SRGAP1: variants seen among roughly 807,000 people sequenced by gnomAD.
The protein encoded by SRGAP1 is SLIT-ROBO Rho GTPase-activating protein 1.
A neutral mutation model predicts 121.9 loss-of-function variants in SRGAP1; 43 were observed. The ratio of observed to expected loss-of-function variants is 0.35; its 90% CI spans 0.28 to 0.46. SRGAP1 has a LOEUF of 0.46. Among genes scored for constraint, SRGAP1 ranks in the 20% least tolerant of loss-of-function variants. The probability of loss-of-function intolerance (pLI) is 1.00; values close to 1 mark genes in which losing one functional copy is unlikely to be tolerated. For missense variants in SRGAP1, 1,102 were observed against 1,350.9 expected, an observed-to-expected ratio of 0.82 and a Z score of 2.89; for synonymous variants, 447 against 485.4, an observed-to-expected ratio of 0.92 and a Z score of 1.04.
intron 1 of SRGAP1, among the ~76,000 whole-genome samples, chr12:63,967,437 G>C (rs1289400245): frequency 6.6e-6 from 1 of 152,174 alleles, no homozygotes. Flanking sequence ...GCGAGACCCT[G>C]TCTCAAAAAG....
intron 1 of SRGAP1, among the ~76,000 whole-genome samples, chr12:63,953,403 T>C (rs1380766949): frequency 2.9e-5 from 4 of 139,972 alleles, no homozygotes; most frequent in African/African-American, 1.2e-4. Flanking sequence ...TGATTGATTT[T>C]TTTTTTTTTT....
intron 1 of SRGAP1, among the ~76,000 whole-genome samples, chr12:63,911,322 A>G (rs935352107): frequency 6.6e-6 from 1 of 151,248 alleles, no homozygotes; most frequent in African/African-American, 2.4e-5. Context: ...AAAAAAGAAA[A>G]GAAAACACCT....
chr12:63,905,579 T>G (rs1296941734), intron 1 of SRGAP1, among the ~76,000 whole-genome samples: 3 of 152,214 alleles, frequency 2.0e-5, no homozygotes, highest in African/African-American at 4.8e-5. Flanking sequence ...ACAAGTTTAA[T>G]AAGTCAGCTT....
intron 3 of SRGAP1, among the ~76,000 whole-genome samples, chr12:64,014,495 G>A (rs1463419559): frequency 1.3e-5 from 2 of 152,010 alleles, no homozygotes; most frequent in Non-Finnish European, 2.9e-5. Flanking sequence ...GAGAATATCA[G>A]GAAAAATAAC....
rs75779962 is a variant in SRGAP1, at chr12:63,930,411, T to C, written c.68-53536T>C. Among the ~76,000 whole-genome samples the C allele has an allele frequency of 7.4e-3, 1,127 of 151,744 alleles. 14 individuals are homozygous for C. The highest frequency in any genetic ancestry group is 0.025 in the African/African-American group (1,044 of 41,336). ...TCTTTTATCAGAAAGCAATATTAAG[T>C]ATTTGAAGTGCTTGAGGGGGAAAGC... On this transcript the variant is annotated intron_variant, in intron 1 of 21. Transcript: ENST00000355086.
chr12:64,151,233 A>G lies in SRGAP1; in HGVS notation c.*8561A>G, dbSNP rs1314295702. On this transcript the variant is annotated 3_prime_UTR_variant, in exon 22 of 22. Coordinates refer to ENST00000355086, the MANE Select transcript of SRGAP1 (RefSeq NM_020762.4). ...TAATCCTTACATTATGTTATTTTTA[A>G]GCAGAGTCAAACTCATATTCTGTAT... is the stretch of plus-strand genomic sequence containing the variant. The G allele has an allele frequency of 6.6e-6, 1 of 152,178 alleles. No homozygotes were observed. Among genetic ancestry groups the G allele is most frequent in the East Asian group, 1.9e-4 (1 of 5,184 alleles). The allele number at this position is 152,178 out of a possible 1,614,324, so 9.4% of individuals were successfully genotyped here. A position where few individuals can be genotyped will look rare whatever the true frequency, so the allele number is the denominator to read the frequency against.
rs372661386 is a variant in SRGAP1, at chr12:63,940,135, T to G, written c.68-43812T>G. Among the ~76,000 whole-genome samples, 21 of 152,042 alleles carry G rather than the reference T, an allele frequency of 1.4e-4. No homozygotes were observed. In the East Asian group the frequency reaches 3.3e-3, roughly 24 times the overall value. ...TCCCACCATGCCTGGCTAATTTTTG[T>G]ATTTTTAGTAGAGATGGGGTTTCAC... On this transcript the variant is annotated intron_variant, in intron 1 of 21. Transcript: ENST00000355086.
intron 8 of SRGAP1, among the ~76,000 whole-genome samples, chr12:64,069,009 C>CA (rs59679383): frequency 0.87 from 122,322 of 141,182 alleles, 55,300 homozygotes; most frequent in East Asian, 0.99. Context: ...GACTCTGTCT[C>CA]AAAAAAAAAA....
intron 4 of SRGAP1, among the ~76,000 whole-genome samples, chr12:64,034,219 GA>G (rs1835498085): frequency 6.6e-6 from 1 of 152,234 alleles, no homozygotes; most frequent in Admixed American, 6.5e-5. Flanking sequence ...GCTGTCTCAT[GA>G]TAGAGTTCTC....
intron 1 of SRGAP1, among the ~76,000 whole-genome samples, chr12:63,975,387 T>A (rs1033638045): frequency 5.3e-5 from 8 of 152,234 alleles, no homozygotes; most frequent in Non-Finnish European, 1.0e-4. Flanking sequence ...ATTCAGTTGC[T>A]AATTCCCTCA....
chr12:63,903,601 G>A (rs2030047148), intron 1 of SRGAP1, among the ~76,000 whole-genome samples: 1 of 149,388 alleles, frequency 6.7e-6, no homozygotes, highest in African/African-American at 2.5e-5. Context: ...TGTTGCCCAG[G>A]CTGGAGTGCA....
chr12:64,049,579 CAT>C (rs1216835352), intron 6 of SRGAP1, among the ~76,000 whole-genome samples: 2 of 152,160 alleles, frequency 1.3e-5, no homozygotes, highest in South Asian at 4.1e-4. Context: ...CTTCACATGA[CAT>C]GTGGGGATTA....
rs138297451 is a variant in SRGAP1, at chr12:64,100,303, G to A, written c.1813+2928G>A. 3.0e-3 allele frequency among the ~76,000 whole-genome samples: 464 copies of A among 152,256 alleles called. 3 individuals carry two copies. The highest frequency in any genetic ancestry group is 0.01 in the African/African-American group (428 of 41,544). ...ATTTGTGTTATCCTCAAGTTACATT[G>A]TTTCCAGCATGATTTTTCCCAGCAC... On this transcript the variant is annotated intron_variant, in intron 15 of 21. Transcript: ENST00000355086.
intron 1 of SRGAP1, among the ~76,000 whole-genome samples, chr12:63,966,844 T>C (rs2032803245): frequency 6.6e-6 from 1 of 152,194 alleles, no homozygotes; most frequent in African/African-American, 2.4e-5. Flanking sequence ...ATGAGCTTGG[T>C]GACTGTCTTC....
intron 4 of SRGAP1, among the ~76,000 whole-genome samples, chr12:64,018,199 C>T (rs1375198570): frequency 1.3e-5 from 2 of 152,158 alleles, no homozygotes; most frequent in Admixed American, 6.5e-5. Context: ...AGCAATTCTC[C>T]TGCCTCAGCC....
chr12:64,111,023 G>T (rs1356167963), intron 16 of SRGAP1, among the ~76,000 whole-genome samples: 1 of 152,118 alleles, frequency 6.6e-6, no homozygotes, highest in Non-Finnish European at 1.5e-5. Context: ...CCTAGAACAA[G>T]GAGCATAGCA....
chr12:64,023,066 G>A (rs1035554893), intron 4 of SRGAP1, among the ~76,000 whole-genome samples: 2 of 152,106 alleles, frequency 1.3e-5, no homozygotes, highest in East Asian at 1.9e-4. Context: ...CTCTTTATCA[G>A]TGAAATGGGG....
chr12:64,061,785 CAT>C (rs774194466), intron 6 of SRGAP1, among the ~76,000 whole-genome samples: 32 of 152,300 alleles, frequency 2.1e-4, no homozygotes, highest in Non-Finnish European at 3.8e-4. Context: ...TCAATAAAAT[CAT>C]ATGTGGTCTT....
At chr12:64,134,724 A>G (rs1067638) in intron 21 of SRGAP1, among the ~76,000 whole-genome samples, 48,069 of 152,026 alleles carry the variant, frequency 0.32, 8,352 homozygotes, top group African/African-American at 0.47. Context: ...CTCCTACTTA[A>G]TGGGCCCAAA....
Sources: gnomAD v4.1 joint callset for allele counts (sites outside exome capture counted in the v4.1 genomes callset) on GRCh38, gnomAD v4.1.1 for gene constraint, MANE v1.5 for transcripts, NCBI Gene and HGNC (gene_info 2026-07-23, HGNC 2026-07-21) for gene names.